REC114: variants seen among roughly 807,000 people sequenced by gnomAD.
REC114 encodes meiotic recombination protein REC114.
REC114 carries 27 observed loss-of-function variants against 31.3 expected under a neutral mutation model. That is an observed-to-expected ratio of 0.86 (90% confidence interval 0.64 to 1.19). The LOEUF (loss-of-function observed/expected upper bound fraction) is 1.19. REC114 is among the 50% of genes most tolerant of loss of function. REC114 has a pLI of 0.00. For synonymous variants in REC114, 134 were observed against 127.7 expected (o/e 1.05, Z -0.33); for missense variants, 344 against 326.9 (o/e 1.05, Z -0.40).
intron 1 of REC114, among the ~76,000 whole-genome samples, chr15:73,447,628 A>G (rs1315395603): frequency 6.6e-6 from 1 of 151,252 alleles, no homozygotes; most frequent in East Asian, 1.9e-4. Context: ...AGCCTGGGCA[A>G]CAGAGTGAGA....
chr15:73,493,508 T>C (rs1893474228), intron 2 of REC114, among the ~76,000 whole-genome samples: 1 of 152,134 alleles, frequency 6.6e-6, no homozygotes, highest in South Asian at 2.1e-4. Flanking sequence ...TATTATTTTT[T>C]CTTTTTTTCT....
intron 3 of REC114, among the ~76,000 whole-genome samples, chr15:73,550,376 A>T (rs751662158): frequency 9.9e-5 from 15 of 152,200 alleles, no homozygotes; most frequent in Admixed American, 7.2e-4. Flanking sequence ...GCCTTTCACT[A>T]TGCAACTTGT....
chr15:73,530,161 A>G (rs1379865961), intron 2 of REC114, among the ~76,000 whole-genome samples: 1 of 152,222 alleles, frequency 6.6e-6, no homozygotes, highest in African/African-American at 2.4e-5. Flanking sequence ...TTAAGTGTGG[A>G]ATAGGTACTT....
At chr15:73,468,255 T>A (rs1370108446) in intron 1 of REC114, among the ~76,000 whole-genome samples, 2 of 152,236 alleles carry the variant, frequency 1.3e-5, no homozygotes, top group Non-Finnish European at 2.9e-5. Context: ...TCTCTCCATA[T>A]ATTTAAGTGT....
chr15:73,482,983 G>T (rs74623044), intron 2 of REC114, among the ~76,000 whole-genome samples: 13,504 of 151,426 alleles, frequency 0.089, 885 homozygotes, highest in African/African-American at 0.19. Context: ...GACAGTTCCA[G>T]TTTCTCCACA....
chr15:73,503,308 A>G lies in REC114; in HGVS notation c.249+29387A>G, dbSNP rs531158598. 5.3e-5 allele frequency among the ~76,000 whole-genome samples: 8 copies of G among 152,262 alleles called. No homozygotes were observed. The South Asian group carries it at 1.7e-3, about 32-fold the overall frequency. On this transcript the variant is annotated intron_variant, in intron 2 of 5. Transcript: ENST00000331090. ...TGTTTCAACTGAGTTGTGGCACACA[A>G]CTCATAGAACTGTATACTAAAAAGG...
intron 1 of REC114, among the ~76,000 whole-genome samples, chr15:73,452,210 G>T (rs1016108353): frequency 6.6e-6 from 1 of 152,188 alleles, no homozygotes; most frequent in African/African-American, 2.4e-5. Context: ...GTTTGCAGAT[G>T]ACATGGTTGT....
Position 73,480,338 on chromosome 15 carries a change from T to G in REC114, c.249+6417T>G, listed in dbSNP as rs368725103. Among the ~76,000 whole-genome samples the G allele has an allele frequency of 1.9e-4, 29 of 151,702 alleles. No homozygotes were observed. The South Asian group carries it at 5.6e-3, about 29-fold the overall frequency. On this transcript the variant is annotated intron_variant, in intron 2 of 5. Transcript: ENST00000331090. ...CAGGCTTAATAATAAATAAATTATT[T>G]AAATAAACAAATTTATTTAAAATTT...
chr15:73,462,156 T>C, intron 1 of REC114, among the ~76,000 whole-genome samples: 1 of 151,950 alleles, frequency 6.6e-6, no homozygotes. Context: ...GGTCTGGAAC[T>C]CCTGACCTTG....
At chr15:73,469,757 T>A (rs1448591900) in intron 1 of REC114, among the ~76,000 whole-genome samples, 1 of 148,842 alleles carries the variant, frequency 6.7e-6, no homozygotes, top group African/African-American at 2.5e-5. Flanking sequence ...CGATCTTGGC[T>A]CACTGCAAGC....
intron 2 of REC114, among the ~76,000 whole-genome samples, chr15:73,511,068 G>A (rs1481317735): frequency 2.0e-5 from 3 of 150,956 alleles, no homozygotes; most frequent in Non-Finnish European, 3.0e-5. Flanking sequence ...GAATCCATCT[G>A]GTCCTGGACT....
chr15:73,541,347 A>AT (rs1394485020), intron 3 of REC114, among the ~76,000 whole-genome samples: 12 of 152,244 alleles, frequency 7.9e-5, no homozygotes, highest in Non-Finnish European at 1.3e-4. Flanking sequence ...ATACTTTCAT[A>AT]TCACATTTCA....
At chr15:73,538,458 T>A (rs952124103) in intron 2 of REC114, among the ~76,000 whole-genome samples, 4 of 120,176 alleles carry the variant, frequency 3.3e-5, no homozygotes, top group African/African-American at 1.4e-4. Flanking sequence ...TCTATTTCTT[T>A]TTTTTTTTTT....
At chr15:73,547,722 A>G (rs1407845510) in intron 3 of REC114, among the ~76,000 whole-genome samples, 3 of 152,212 alleles carry the variant, frequency 2.0e-5, no homozygotes, top group African/African-American at 7.2e-5. Context: ...TAAAATAGCC[A>G]TACACAGAAT....
Position 73,486,645 on chromosome 15 carries a change from C to T in REC114, c.249+12724C>T, listed in dbSNP as rs140572033. ...GGAAGTCTGAGGTGCCAGCAGGATT[C>T]GTGTCTGAGGTATCTCTACTTCCAA... On this transcript the variant is annotated intron_variant, in intron 2 of 5. Transcript: ENST00000331090. Among the ~76,000 whole-genome samples the T allele has an allele frequency of 3.4e-3, 518 of 152,280 alleles. 1 individual carries two copies. The highest frequency in any genetic ancestry group is 0.014 in the Middle Eastern group (4 of 294).
At chr15:73,465,075 A>G (rs896100005) in intron 1 of REC114, among the ~76,000 whole-genome samples, 10 of 152,238 alleles carry the variant, frequency 6.6e-5, no homozygotes, top group South Asian at 6.2e-4. Flanking sequence ...TATTTTTAGT[A>G]GAGACAGGGT....
chr15:73,532,303 A>AG (rs894098142), intron 2 of REC114, among the ~76,000 whole-genome samples: 1 of 148,378 alleles, frequency 6.7e-6, no homozygotes, highest in Non-Finnish European at 1.5e-5. Context: ...GTCCCTACAA[A>AG]GGACATGAAC....
At chr15:73,492,513 TAATG>T (rs1336458617) in intron 2 of REC114, among the ~76,000 whole-genome samples, 9 of 152,208 alleles carry the variant, frequency 5.9e-5, no homozygotes, top group Non-Finnish European at 1.0e-4. Flanking sequence ...GGAGTGGAAT[TAATG>T]AGTTATAGGG....
chr15:73,447,648 AAAAT>A (rs60241454), intron 1 of REC114, among the ~76,000 whole-genome samples: 6,743 of 143,348 alleles, frequency 0.047, 257 homozygotes, highest in African/African-American at 0.11. Flanking sequence ...ACTCTGTCTC[AAAAT>A]AAATAAATAA....
Sources: allele counts gnomAD v4.1 joint callset (sites outside exome capture counted in the v4.1 genomes callset), GRCh38; gene constraint gnomAD v4.1.1; transcripts MANE v1.5; gene names NCBI Gene and HGNC (gene_info 2026-07-23, HGNC 2026-07-21).